Variants in CLEC16A observed in about 807,000 individuals in gnomAD.
CLEC16A encodes the protein C-type lectin domain containing 16A.
CLEC16A carries 51 observed loss-of-function variants against 109.5 expected under a neutral mutation model. That is an observed-to-expected ratio of 0.47 (90% CI 0.37 to 0.59). The LOEUF (loss-of-function observed/expected upper bound fraction) is 0.59, where lower values mean the gene tolerates loss of function less well. Ranked by LOEUF, CLEC16A falls within the 20% of genes least tolerant of loss-of-function variation. CLEC16A has a pLI of 0.00. For synonymous variants in CLEC16A, 673 were observed against 564.2 expected (o/e 1.19, Z -2.73); for missense variants, 1,339 against 1,394.0 (o/e 0.96, Z 0.63).
chr16:11,094,655 TC>T (rs2050501913), intron 19 of CLEC16A, among the ~76,000 whole-genome samples: 1 of 152,254 alleles, frequency 6.6e-6, no homozygotes, highest in Non-Finnish European at 1.5e-5. Context: ...CTCCCTTTTT[TC>T]CTGTGGGGCC....
At chr16:11,097,678 T>A (rs1376080819) in intron 19 of CLEC16A, among the ~76,000 whole-genome samples, 1 of 152,218 alleles carries the variant, frequency 6.6e-6, no homozygotes, top group African/African-American at 2.4e-5. Flanking sequence ...TCCCTGTGTG[T>A]GAAAAATCCA....
chr16:10,982,815 G>A, intron 9 of CLEC16A, 63 bp from the exon 10 acceptor site: 1 of 954,688 alleles, frequency 1.0e-6, no homozygotes, highest in Non-Finnish European at 1.7e-6. Flanking sequence ...TCTGATCCAG[G>A]AAGCAAGAGG....
chr16:11,057,310 G>A (rs1232152816), intron 18 of CLEC16A, among the ~76,000 whole-genome samples: 2 of 152,254 alleles, frequency 1.3e-5, no homozygotes, highest in African/African-American at 2.4e-5. Context: ...AAGCAGGAGG[G>A]TGAAAACCGA....
At chr16:11,091,037 C>A (rs1170794923) in intron 19 of CLEC16A, among the ~76,000 whole-genome samples, 1 of 152,030 alleles carries the variant, frequency 6.6e-6, no homozygotes, top group Non-Finnish European at 1.5e-5. Context: ...TGGGCTCAAG[C>A]ACCCCGCCCA....
In CLEC16A at chr16:10,944,700, C is replaced by T. The variant is rs1380964621; in HGVS notation, c.-18C>T. 2 of 1,596,854 alleles carry T rather than the reference C, an allele frequency of 1.3e-6. No homozygotes were observed. Among genetic ancestry groups the T allele is most frequent in the South Asian group, 1.1e-5 (1 of 88,462 alleles). ...CGGCATGAGACCGTGAGACGAGAGA[C>T]GGGTCGGGGCCGCCGACATGTTTGG... is the stretch of plus-strand genomic sequence containing the variant. On this transcript the variant is annotated 5_prime_UTR_variant, in exon 1 of 24. In the 5' UTR this introduces an upstream ATG that the reference lacks. Transcript: ENST00000409790.
chr16:11,158,937 A>G (rs1316692813), intron 22 of CLEC16A, among the ~76,000 whole-genome samples: 1 of 150,764 alleles, frequency 6.6e-6, no homozygotes. Flanking sequence ...AAAAAAAAAC[A>G]GAGGCTGGAG....
chr16:11,115,506 G>A (rs2051919016), intron 19 of CLEC16A, among the ~76,000 whole-genome samples: 1 of 152,138 alleles, frequency 6.6e-6, no homozygotes, highest in African/African-American at 2.4e-5. Flanking sequence ...CTGAGTAGCT[G>A]GGACTACAGG....
At position 11,047,341 on chromosome 16, in the gene CLEC16A, C is replaced by G. The variant is rs548319287; in HGVS notation, c.1865C>G (p.Thr622Arg). 1 of 1,606,822 alleles carries G rather than the reference C, an allele frequency of 6.2e-7. No individual in the cohort carries two copies. The highest frequency in any genetic ancestry group is 1.1e-5 in the South Asian group (1 of 89,730). Reference sequence around the variant, plus strand: ...TTTGAAGATGAGTATAGGAGCATGACAGTAAGTGAGGGGCTGGGACACACT... The same window carrying G: ...TTTGAAGATGAGTATAGGAGCATGAGAGTAAGTGAGGGGCTGGGACACACT... ...DMFEDEYRSM[T>R]MKPMNVEYLM... Residue 622 changes from threonine to arginine, a missense_variant and splice_region_variant, in exon 17 of 24, where the codon ACA becomes AGA. Physicochemically the swap from Thr to Arg is moderately conservative, Grantham distance 71 (BLOSUM62 -1). Transcript: ENST00000409790.
At position 11,092,361 on chromosome 16, in the gene CLEC16A, A is replaced by AACACACACACACACACACAC. The variant is rs3030566; in HGVS notation, c.2117-28232_2117-28213dup. Among the ~76,000 whole-genome samples, 233 of 132,522 alleles carry AACACACACACACACACACAC rather than the reference A, an allele frequency of 1.8e-3. 1 individual carries two copies. The highest frequency in any genetic ancestry group is 7.9e-3 in the East Asian group (34 of 4,324). The allele number at this position is 132,522 out of a possible 152,430, so 86.9% of individuals were successfully genotyped here. On this transcript the variant is annotated intron_variant, in intron 19 of 23. Transcript: ENST00000409790. Reference sequence around the variant, plus strand: ...CTGTCTCAAAAAACAAACAAAAACAAACACACACACACACACACACACACA... The same window carrying AACACACACACACACACACAC: ...CTGTCTCAAAAAACAAACAAAAACAAACACACACACACACACACACACACACACACACACACACACACACA...
intron 19 of CLEC16A, chr16:11,070,643 T>C (rs1038841085): frequency 5.3e-5 from 8 of 152,320 alleles, no homozygotes; most frequent in South Asian, 4.2e-4. Context: ...GTTCTTCATT[T>C]GTTCAAAGTG....
At chr16:10,971,816 G>C (rs2042804391) in intron 5 of CLEC16A, among the ~76,000 whole-genome samples, 1 of 152,238 alleles carries the variant, frequency 6.6e-6, no homozygotes, top group African/African-American at 2.4e-5. Context: ...TCCTGAACTG[G>C]AATTGCCCTT....
chr16:10,984,760 A>C (rs977485465), intron 10 of CLEC16A, among the ~76,000 whole-genome samples: 1 of 152,210 alleles, frequency 6.6e-6, no homozygotes, highest in African/African-American at 2.4e-5. Context: ...TAAGTCACGG[A>C]AGGCTGAGTC....
At chr16:11,122,633 G>C (rs2052508264) in intron 20 of CLEC16A, among the ~76,000 whole-genome samples, 1 of 152,154 alleles carries the variant, frequency 6.6e-6, no homozygotes, top group South Asian at 2.1e-4. Flanking sequence ...TAGTGCCTGA[G>C]AACCACAACC....
chr16:11,024,073 G>C (rs1406788304), intron 12 of CLEC16A: 2 of 152,232 alleles, frequency 1.3e-5, no homozygotes, highest in African/African-American at 4.8e-5. Context: ...CGCAGTCAGA[G>C]AAAGTCAGCC....
At chr16:10,948,172 C>T (rs551175622) in intron 1 of CLEC16A, among the ~76,000 whole-genome samples, 17 of 152,318 alleles carry the variant, frequency 1.1e-4, no homozygotes, top group African/African-American at 3.4e-4. Flanking sequence ...GGATTACAGG[C>T]ATGAGCCACT....
At chr16:11,035,118 G>A (rs1324337226) in intron 13 of CLEC16A, among the ~76,000 whole-genome samples, 1 of 152,192 alleles carries the variant, frequency 6.6e-6, no homozygotes, top group Non-Finnish European at 1.5e-5. Flanking sequence ...GTACAGTGAT[G>A]GTCATGCAAT....
intron 2 of CLEC16A, among the ~76,000 whole-genome samples, chr16:10,959,607 G>C (rs1050394628): frequency 5.3e-5 from 8 of 152,078 alleles, no homozygotes; most frequent in Non-Finnish European, 7.4e-5. Context: ...GGCCAGGCTG[G>C]TCTCAAACTC....
intron 16 of CLEC16A, among the ~76,000 whole-genome samples, chr16:11,044,744 A>G (rs2047542468): frequency 1.3e-5 from 2 of 151,978 alleles, no homozygotes; most frequent in African/African-American, 4.8e-5. Context: ...CAGCCTGACC[A>G]ACATGGAGAA....
intron 11 of CLEC16A, among the ~76,000 whole-genome samples, chr16:11,009,014 G>GT (rs1156497436): frequency 6.6e-6 from 1 of 151,786 alleles, no homozygotes; most frequent in African/African-American, 2.4e-5. Flanking sequence ...AAATAAAAAA[G>GT]TACATTCACG....
Sources: allele counts gnomAD v4.1 joint callset (sites outside exome capture counted in the v4.1 genomes callset), GRCh38; gene constraint gnomAD v4.1.1; transcripts MANE v1.5; gene names NCBI Gene and HGNC (gene_info 2026-07-23, HGNC 2026-07-21).